The following GNB4 variants were observed in gnomAD, a reference collection of about 807,000 sequenced individuals.
The protein encoded by GNB4 is G protein subunit beta 4, also known as guanine nucleotide-binding protein subunit beta-4.
In GNB4, 28 loss-of-function variants were observed where a neutral mutation model predicts 45.2. That is an observed-to-expected ratio of 0.62 (90% CI 0.46 to 0.85). The LOEUF (loss-of-function observed/expected upper bound fraction) is 0.85. Among genes scored for constraint, GNB4 ranks in the 40% least tolerant of loss-of-function variants. GNB4 has a pLI of 0.00. For missense variants in GNB4, 321 were observed against 425.4 expected, an observed-to-expected ratio of 0.75 and a Z score of 2.16; for synonymous variants, 132 against 143.7, an observed-to-expected ratio of 0.92 and a Z score of 0.58.
chr3:179,440,793 A>C (rs760079472), intron 1 of GNB4, among the ~76,000 whole-genome samples: 3 of 152,168 alleles, frequency 2.0e-5, no homozygotes, highest in Non-Finnish European at 4.4e-5. Flanking sequence ...ATTAAAACCT[A>C]ATGCAGAGTA....
At chr3:179,499,441 G>A in the GNB4 span, among the ~76,000 whole-genome samples, 2 of 152,168 alleles carry the variant, frequency 1.3e-5, no homozygotes, top group African/African-American at 4.8e-5. Flanking sequence ...TTACAGGCTT[G>A]AGCCACCACG....
chr3:179,454,812 C>T (rs889351377), upstream of GNB4, among the ~76,000 whole-genome samples: 1 of 151,912 alleles, frequency 6.6e-6, no homozygotes, highest in Non-Finnish European at 1.5e-5. Context: ...ATCACAACTA[C>T]CGTAACAGAT....
chr3:179,512,461 T>TA, the GNB4 span, among the ~76,000 whole-genome samples: 15 of 152,124 alleles, frequency 9.9e-5, no homozygotes, highest in African/African-American at 3.1e-4. Flanking sequence ...CTACTGCCAT[T>TA]AAAAAAAAGT....
chr3:179,474,293 A>G, the GNB4 span, among the ~76,000 whole-genome samples: 1 of 152,044 alleles, frequency 6.6e-6, no homozygotes, highest in African/African-American at 2.4e-5. Flanking sequence ...AGCACGTCTC[A>G]GCTCACTGCA....
the GNB4 span, among the ~76,000 whole-genome samples, chr3:179,481,255 T>C: frequency 6.6e-6 from 1 of 152,220 alleles, no homozygotes; most frequent in South Asian, 2.1e-4. Context: ...AAGTATCTTA[T>C]CTTCCTCCTA....
chr3:179,507,393 A>G, the GNB4 span, among the ~76,000 whole-genome samples: 1 of 141,186 alleles, frequency 7.1e-6, no homozygotes, highest in Non-Finnish European at 1.6e-5. Context: ...GGAAGGTAGG[A>G]AGGAAGGAAG....
the GNB4 span, among the ~76,000 whole-genome samples, chr3:179,522,957 T>C: frequency 6.6e-6 from 1 of 151,788 alleles, no homozygotes; most frequent in African/African-American, 2.4e-5. Context: ...GGAGAGCTAG[T>C]GTGAGAGTAG....
the GNB4 span, among the ~76,000 whole-genome samples, chr3:179,480,110 C>T: frequency 6.6e-6 from 1 of 152,188 alleles, no homozygotes; most frequent in East Asian, 1.9e-4. Flanking sequence ...TTTGCTCTTG[C>T]CCTCTCATTA....
intron 1 of GNB4, among the ~76,000 whole-genome samples, chr3:179,444,638 G>A (rs1039371734): frequency 1.3e-5 from 2 of 152,012 alleles, no homozygotes; most frequent in African/African-American, 4.8e-5. Context: ...CTTGAGCCTG[G>A]GAAGTCAAGG....
chr3:179,519,255 G>A, the GNB4 span, among the ~76,000 whole-genome samples: 2 of 152,306 alleles, frequency 1.3e-5, no homozygotes, highest in East Asian at 3.9e-4. Context: ...TCACCCGGTA[G>A]CCACTTCCAG....
intron 9 of GNB4, among the ~76,000 whole-genome samples, chr3:179,403,797 C>A (rs931096207): frequency 4.3e-4 from 41 of 96,232 alleles, no homozygotes; most frequent in East Asian, 1.0e-3. Flanking sequence ...GACTCCGTCT[C>A]AAAAAAATAA....
the GNB4 span, among the ~76,000 whole-genome samples, chr3:179,501,993 C>T: frequency 6.6e-6 from 1 of 151,972 alleles, no homozygotes; most frequent in African/African-American, 2.4e-5. Flanking sequence ...ATTTCATAAC[C>T]ATTTTGTCAT....
the GNB4 span, among the ~76,000 whole-genome samples, chr3:179,525,917 G>A: frequency 2.6e-5 from 4 of 152,226 alleles, no homozygotes; most frequent in African/African-American, 9.6e-5. Flanking sequence ...CAGGGGACCG[G>A]TCTCCCGAAG....
intron 1 of GNB4, among the ~76,000 whole-genome samples, chr3:179,435,653 CTTATT>C (rs1424920170): frequency 6.6e-6 from 1 of 152,290 alleles, no homozygotes. Flanking sequence ...ACACAGTGCT[CTTATT>C]TTGTTACCGT....
the GNB4 span, among the ~76,000 whole-genome samples, chr3:179,519,589 G>C: frequency 6.6e-6 from 1 of 151,974 alleles, no homozygotes; most frequent in Non-Finnish European, 1.5e-5. Context: ...CTCTTTTTTA[G>C]TTATCCCCAC....
At chr3:179,478,502 CTGT>C in the GNB4 span, among the ~76,000 whole-genome samples, 34 of 151,978 alleles carry the variant, frequency 2.2e-4, 1 homozygote, top group South Asian at 3.7e-3. Flanking sequence ...TAAGGTTTTG[CTGT>C]TGTTGTTTGT....
At position 179,397,453 on chromosome 3, in the gene GNB4, A is replaced by T. The variant is rs1213178189; in HGVS notation, c.*3760T>A. The T allele has an allele frequency of 5.9e-5, 9 of 152,246 alleles. No homozygotes were observed. Among genetic ancestry groups the T allele is most frequent in the Non-Finnish European group, 1.2e-4 (8 of 68,046 alleles). 9.4% of individuals were successfully genotyped at this position (152,246 alleles called of 1,614,324 possible). A position where few individuals can be genotyped will look rare whatever the true frequency, so the allele number is the denominator to read the frequency against. ...AAATTCTGTAACATATTCTAGAAGCACCTACATCCATTATTTCCAGGAGAC... is the reference window on the plus strand; with the variant it reads ...AAATTCTGTAACATATTCTAGAAGCTCCTACATCCATTATTTCCAGGAGAC... On this transcript the variant is annotated 3_prime_UTR_variant, in exon 10 of 10. Coordinates refer to ENST00000232564, the MANE Select transcript of GNB4 (RefSeq NM_021629.4).
chr3:179,511,824 T>G, the GNB4 span, among the ~76,000 whole-genome samples: 1 of 152,166 alleles, frequency 6.6e-6, no homozygotes, highest in Non-Finnish European at 1.5e-5. Flanking sequence ...CTGCCTAATG[T>G]TATTTTGGCA....
chr3:179,520,225 C>G, the GNB4 span, among the ~76,000 whole-genome samples: 1 of 145,962 alleles, frequency 6.9e-6, no homozygotes, highest in Non-Finnish European at 1.5e-5. Context: ...TGCCGCAAGG[C>G]TTCACAGACA....
Sources: gnomAD v4.1 joint callset for allele counts (sites outside exome capture counted in the v4.1 genomes callset) on GRCh38, gnomAD v4.1.1 for gene constraint, MANE v1.5 for transcripts, NCBI Gene and HGNC (gene_info 2026-07-23, HGNC 2026-07-21) for gene names.